CNTNAP2: variants seen among roughly 807,000 people sequenced by gnomAD.
CNTNAP2 encodes contactin-associated protein-like 2.
Under a neutral mutation model 155.2 loss-of-function variants are expected in CNTNAP2, and 98 were observed. The ratio of observed to expected loss-of-function variants is 0.63; its 90% CI spans 0.54 to 0.75. CNTNAP2 has a LOEUF of 0.75. Among genes scored for constraint, CNTNAP2 ranks in the 30% least tolerant of loss-of-function variants. The pLI is 0.00. For missense variants in CNTNAP2, 1,727 were observed against 1,688.1 expected, an observed-to-expected ratio of 1.02 and a Z score of -0.40; for synonymous variants, 651 against 631.2, an observed-to-expected ratio of 1.03 and a Z score of -0.47.
chr7:148,011,792 G>T (rs1392826095), intron 15 of CNTNAP2, among the ~76,000 whole-genome samples: 1 of 152,198 alleles, frequency 6.6e-6, no homozygotes, highest in Non-Finnish European at 1.5e-5. Flanking sequence ...TGAACTCTCA[G>T]GAGAATAGCT....
intron 13 of CNTNAP2, among the ~76,000 whole-genome samples, chr7:147,852,153 G>A (rs1477268455): frequency 6.6e-6 from 1 of 152,080 alleles, no homozygotes; most frequent in African/African-American, 2.4e-5. Context: ...TCACATGGCC[G>A]AACACTTTAC....
At chr7:146,126,968 C>T (rs569196198) in intron 1 of CNTNAP2, among the ~76,000 whole-genome samples, 3 of 152,108 alleles carry the variant, frequency 2.0e-5, no homozygotes, top group Non-Finnish European at 4.4e-5. Flanking sequence ...TAATCTTCCC[C>T]CTCTAGCTTA....
intron 20 of CNTNAP2, among the ~76,000 whole-genome samples, chr7:148,252,414 C>A (rs1477689832): frequency 6.6e-6 from 1 of 152,142 alleles, no homozygotes; most frequent in African/African-American, 2.4e-5. Flanking sequence ...AATCTGAAGT[C>A]CTCCCTGGGA....
chr7:147,571,398 A>C (rs1447013922), intron 12 of CNTNAP2, among the ~76,000 whole-genome samples: 2 of 150,792 alleles, frequency 1.3e-5, no homozygotes, highest in African/African-American at 4.9e-5. Flanking sequence ...TATTTTCTCT[A>C]ATATAATTTT....
In CNTNAP2 at chr7:147,283,170, T is replaced by C. The variant is rs1584844025; in HGVS notation, c.1349-16971T>C. Among the ~76,000 whole-genome samples, 6 of 151,946 alleles carry C rather than the reference T, an allele frequency of 3.9e-5. No homozygotes were observed. The East Asian group carries it at 1.2e-3, about 29-fold the overall frequency. ...ACATCTATACCCCCATCTAATGAGT[T>C]TTAAAGATAACAGTGACTCCAATAT... On this transcript the variant is annotated intron_variant, in intron 8 of 23. Coordinates refer to ENST00000361727, the MANE Select transcript of CNTNAP2 (RefSeq NM_014141.6).
At chr7:147,189,836 C>A (rs971678704) in intron 8 of CNTNAP2, among the ~76,000 whole-genome samples, 4 of 152,234 alleles carry the variant, frequency 2.6e-5, no homozygotes, top group African/African-American at 7.2e-5. Flanking sequence ...GCTCCGCCCC[C>A]CAAGTTCACA....
At chr7:147,591,855 T>C (rs1037791527) in intron 12 of CNTNAP2, among the ~76,000 whole-genome samples, 8 of 152,196 alleles carry the variant, frequency 5.3e-5, no homozygotes, top group African/African-American at 1.9e-4. Context: ...ACAACAATAG[T>C]AAACTATTTG....
intron 3 of CNTNAP2, among the ~76,000 whole-genome samples, chr7:146,969,954 T>C (rs924588842): frequency 5.3e-5 from 8 of 152,128 alleles, no homozygotes; most frequent in Non-Finnish European, 1.0e-4. Flanking sequence ...AAACAAACAA[T>C]GGGGAAAGGA....
In CNTNAP2 at chr7:148,279,784, G is replaced by A. The variant is rs545161358; in HGVS notation, c.3475+12658G>A. 4.6e-5 allele frequency among the ~76,000 whole-genome samples: 7 copies of A among 152,240 alleles called. No individual in the cohort carries two copies. In the East Asian group the frequency reaches 7.7e-4, roughly 17 times the overall value. On this transcript the variant is annotated intron_variant, in intron 21 of 23. Transcript: ENST00000361727. ...AGTCATTCAGGTGTTGCATATGAAC[G>A]CAATGATGAAGAAGAACAAATTACT...
chr7:147,505,496 A>G (rs1319429593), intron 11 of CNTNAP2, among the ~76,000 whole-genome samples: 2 of 152,352 alleles, frequency 1.3e-5, no homozygotes, highest in Non-Finnish European at 2.9e-5. Context: ...GTCTTAAAAT[A>G]GAGCCAATTA....
At chr7:146,306,989 G>T (rs1800724971) in intron 1 of CNTNAP2, among the ~76,000 whole-genome samples, 1 of 152,128 alleles carries the variant, frequency 6.6e-6, no homozygotes, top group African/African-American at 2.4e-5. Context: ...AGGGCAATCA[G>T]GCAAGAGAAA....
At position 148,415,681 on chromosome 7, in the gene CNTNAP2, AGCACCCTGCTTC is replaced by A; in HGVS notation, c.*66_*77del. The A allele has an allele frequency of 6.3e-7, 1 of 1,580,234 alleles. No individual in the cohort carries two copies. The highest frequency in any genetic ancestry group is 1.7e-4 in the Middle Eastern group (1 of 6,006). ...ACTAGGGAGGAGAGAAAGGGACAAA[AGCACCCTGCTTC>A]ATACTCTTGAGCACATCCTTAAAAT... On this transcript the variant is annotated 3_prime_UTR_variant, in exon 24 of 24. Transcript: ENST00000361727.
At chr7:146,673,505 C>T (rs1800344448) in intron 1 of CNTNAP2, among the ~76,000 whole-genome samples, 2 of 152,118 alleles carry the variant, frequency 1.3e-5, no homozygotes, top group African/African-American at 2.4e-5. Flanking sequence ...GAACTGTAAC[C>T]TAACTGGATG....
chr7:146,377,136 G>T (rs1422773268), intron 1 of CNTNAP2, among the ~76,000 whole-genome samples: 1 of 152,158 alleles, frequency 6.6e-6, no homozygotes, highest in Non-Finnish European at 1.5e-5. Flanking sequence ...GCTCTCCACT[G>T]AGTCTAAGTT....
At chr7:147,475,328 T>C (rs570518159) in intron 10 of CNTNAP2, among the ~76,000 whole-genome samples, 1 of 152,202 alleles carries the variant, frequency 6.6e-6, no homozygotes, top group African/African-American at 2.4e-5. Context: ...GTGTGCACTC[T>C]GATCAAAAGT....
intron 17 of CNTNAP2, among the ~76,000 whole-genome samples, chr7:148,156,299 G>T (rs967896316): frequency 6.6e-6 from 1 of 152,172 alleles, no homozygotes; most frequent in Non-Finnish European, 1.5e-5. Flanking sequence ...GTCAAAGTCA[G>T]CATGGATCTC....
At chr7:146,760,813 G>T (rs1419369452) in intron 1 of CNTNAP2, among the ~76,000 whole-genome samples, 1 of 151,880 alleles carries the variant, frequency 6.6e-6, no homozygotes, top group Non-Finnish European at 1.5e-5. Context: ...TCAATGTTTT[G>T]TTTCTTCTAA....
rs921086914 is a variant in CNTNAP2, at chr7:148,357,177, T to C, written c.3476-26472T>C. Among the ~76,000 whole-genome samples, 8 of 152,206 alleles carry C rather than the reference T, an allele frequency of 5.3e-5. No homozygotes were observed. The South Asian group carries it at 8.3e-4, about 16-fold the overall frequency. ...TAATTGAATCATGGGGGTGGGTCTTTCCTGTGCTGTTGTGATAGTAAATGA... is the reference window on the plus strand; with the variant it reads ...TAATTGAATCATGGGGGTGGGTCTTCCCTGTGCTGTTGTGATAGTAAATGA... On this transcript the variant is annotated intron_variant, in intron 21 of 23. Transcript: ENST00000361727.
chr7:146,378,567 G>A (rs1446696050), intron 1 of CNTNAP2, among the ~76,000 whole-genome samples: 1 of 152,100 alleles, frequency 6.6e-6, no homozygotes, highest in East Asian at 1.9e-4. Flanking sequence ...TTGAGATGTA[G>A]AAATGGTATA....
Sources: allele counts gnomAD v4.1 joint callset (sites outside exome capture counted in the v4.1 genomes callset), GRCh38; gene constraint gnomAD v4.1.1; transcripts MANE v1.5; gene names NCBI Gene and HGNC (gene_info 2026-07-23, HGNC 2026-07-21).